Variants in PTPRD observed in about 807,000 individuals in gnomAD.
PTPRD encodes the protein receptor-type tyrosine-protein phosphatase delta.
A neutral mutation model predicts 214.5 loss-of-function variants in PTPRD; 34 were observed. The observed-to-expected ratio is 0.16, with a 90% CI of 0.12 to 0.21. The LOEUF is 0.21. Among genes scored for constraint, PTPRD ranks in the 10% least tolerant of loss-of-function variants. The probability of loss-of-function intolerance (pLI) is 1.00; values close to 1 mark genes in which losing one functional copy is unlikely to be tolerated. For synonymous variants in PTPRD, 1,128 were observed against 845.7 expected (o/e 1.33, Z -5.79); for missense variants, 2,545 against 2,398.7 (o/e 1.06, Z -1.27).
At chr9:9,830,364 T>C (rs1347485654) in intron 5 of PTPRD, among the ~76,000 whole-genome samples, 1 of 151,862 alleles carries the variant, frequency 6.6e-6, no homozygotes, top group African/African-American at 2.4e-5. Flanking sequence ...CAGATCACTA[T>C]TTGTCAACAT....
chr9:8,757,631 T>TATATATACATAC (rs2094107332), intron 11 of PTPRD, among the ~76,000 whole-genome samples: 1 of 146,530 alleles, frequency 6.8e-6, no homozygotes, highest in Non-Finnish European at 1.5e-5. Context: ...CATATATATA[T>TATATATACATAC]ATATATATAT....
chr9:8,767,574 G>C (rs968487110), intron 11 of PTPRD, among the ~76,000 whole-genome samples: 1 of 152,134 alleles, frequency 6.6e-6, no homozygotes, highest in Admixed American at 6.5e-5. Context: ...TGCACCATAC[G>C]TTGAGTCATA....
At chr9:8,725,535 G>T (rs1419842483) in intron 12 of PTPRD, among the ~76,000 whole-genome samples, 3 of 152,116 alleles carry the variant, frequency 2.0e-5, no homozygotes, top group African/African-American at 7.2e-5. Context: ...AAATTGTGAA[G>T]TTAATGGGAT....
chr9:8,656,209 C>T lies in PTPRD; in HGVS notation c.65-19365G>A, dbSNP rs537962584. Among the ~76,000 whole-genome samples, 9 of 152,270 alleles carry T rather than the reference C, an allele frequency of 5.9e-5. No individual in the cohort carries two copies. In the East Asian group the frequency reaches 1.2e-3, roughly 20 times the overall value. On this transcript the variant is annotated intron_variant, in intron 12 of 45. Transcript: ENST00000381196. ...CCTGAATCAGAATGGCACAGTAAGG[C>T]CTGGGAATTTGTGTCACAAATGTCT... is the stretch of plus-strand genomic sequence containing the variant.
intron 11 of PTPRD, among the ~76,000 whole-genome samples, chr9:8,991,790 A>G (rs1210640884): frequency 3.9e-5 from 6 of 152,280 alleles, no homozygotes; most frequent in African/African-American, 1.4e-4. Context: ...CTAGTTCATA[A>G]TTAAGATTTG....
At position 9,970,427 on chromosome 9, in the gene PTPRD, C is replaced by T. The variant is rs1156866593; in HGVS notation, c.-471-31817G>A. ...AGCCTGGGCGACAGCGAGACTCCTT[C>T]TCAAAAAAAAAAAAAAGAAAAAGAA... On this transcript the variant is annotated intron_variant, in intron 4 of 45. Coordinates refer to ENST00000381196, the MANE Select transcript of PTPRD (RefSeq NM_002839.4). 8.0e-5 allele frequency among the ~76,000 whole-genome samples: 8 copies of T among 100,130 alleles called. No individual in the cohort carries two copies. The East Asian group carries it at 1.7e-3, about 21-fold the overall frequency. The allele number at this position is 100,130 out of a possible 152,430, so 65.7% of individuals were successfully genotyped here. A position where few individuals can be genotyped will look rare whatever the true frequency, so the allele number is the denominator to read the frequency against.
intron 12 of PTPRD, among the ~76,000 whole-genome samples, chr9:8,654,942 A>C (rs1415048342): frequency 6.6e-6 from 1 of 152,134 alleles, no homozygotes; most frequent in Non-Finnish European, 1.5e-5. Context: ...CATCTTCATC[A>C]ATCTTTCTAG....
intron 11 of PTPRD, among the ~76,000 whole-genome samples, chr9:8,842,851 C>T: frequency 6.6e-6 from 1 of 152,130 alleles, no homozygotes; most frequent in East Asian, 1.9e-4. Context: ...TTCACATCCC[C>T]AGGATACCCT....
At chr9:9,971,161 A>G (rs1162058312) in intron 4 of PTPRD, among the ~76,000 whole-genome samples, 1 of 152,174 alleles carries the variant, frequency 6.6e-6, no homozygotes, top group Non-Finnish European at 1.5e-5. Flanking sequence ...TAAAACAATC[A>G]TGTGATTAAC....
intron 14 of PTPRD, among the ~76,000 whole-genome samples, chr9:8,623,248 G>T (rs1209594929): frequency 6.6e-6 from 1 of 151,882 alleles, no homozygotes; most frequent in Non-Finnish European, 1.5e-5. Flanking sequence ...TGCCCTTATG[G>T]AACTTCTAGT....
At position 9,087,878 on chromosome 9, in the gene PTPRD, C is replaced by CTTTTTTTTTT. The variant is rs59824704; in HGVS notation, c.-142-69153_-142-69144dup. ...TTATTTTCCACCAGAGCCCTAAACT[C>CTTTTTTTTTT]TTTTTTTTTTTTTTTTTTTTTTTTT... On this transcript the variant is annotated intron_variant, in intron 10 of 45. Transcript: ENST00000381196. 7.3e-5 allele frequency among the ~76,000 whole-genome samples: 5 copies of CTTTTTTTTTT among 68,642 alleles called. 1 individual carries two copies. Among genetic ancestry groups the CTTTTTTTTTT allele is most frequent in the Non-Finnish European group, 1.3e-4 (5 of 38,708 alleles). 45.0% of individuals were successfully genotyped at this position (68,642 alleles called of 152,430 possible).
intron 8 of PTPRD, among the ~76,000 whole-genome samples, chr9:9,546,436 T>A (rs1039204386): frequency 6.6e-6 from 1 of 151,816 alleles, no homozygotes; most frequent in Non-Finnish European, 1.5e-5. Context: ...ATCTTCTTTA[T>A]TCATGTTCAG....
chr9:9,580,735 G>A (rs1178587510), intron 7 of PTPRD, among the ~76,000 whole-genome samples: 3 of 151,784 alleles, frequency 2.0e-5, no homozygotes, highest in Non-Finnish European at 4.4e-5. Context: ...TTTTAGTAGA[G>A]ATGGGCTTTC....
At chr9:10,206,235 G>A (rs2099476952) in intron 3 of PTPRD, among the ~76,000 whole-genome samples, 1 of 152,132 alleles carries the variant, frequency 6.6e-6, no homozygotes, top group Non-Finnish European at 1.5e-5. Flanking sequence ...ACTCAAAGAG[G>A]CTTAGTTTTT....
intron 11 of PTPRD, among the ~76,000 whole-genome samples, chr9:8,753,973 G>A (rs566459445): frequency 1.1e-4 from 17 of 151,908 alleles, no homozygotes; most frequent in East Asian, 1.9e-4. Context: ...GGAGAAACCC[G>A]GTCTCTACTA....
At chr9:10,166,417 T>C (rs1193932035) in intron 3 of PTPRD, among the ~76,000 whole-genome samples, 1 of 151,834 alleles carries the variant, frequency 6.6e-6, no homozygotes, top group East Asian at 1.9e-4. Context: ...TTCATAGATA[T>C]TCAAAAAGAA....
At chr9:10,275,868 T>G (rs144489200) in intron 3 of PTPRD, among the ~76,000 whole-genome samples, 73 of 152,284 alleles carry the variant, frequency 4.8e-4, no homozygotes, top group African/African-American at 1.7e-3. Context: ...GGACATGAAA[T>G]GAAAGAAGAG....
intron 11 of PTPRD, among the ~76,000 whole-genome samples, chr9:8,766,963 T>G (rs548083352): frequency 3.3e-5 from 5 of 152,182 alleles, no homozygotes; most frequent in Non-Finnish European, 7.3e-5. Context: ...CAATGTTAAG[T>G]GAGGACTTAC....
intron 3 of PTPRD, among the ~76,000 whole-genome samples, chr9:10,278,993 C>T (rs187444704): frequency 2.0e-5 from 3 of 152,106 alleles, no homozygotes; most frequent in African/African-American, 7.2e-5. Context: ...CCAGGATGAT[C>T]TCGATCTCCT....
Sources: allele counts gnomAD v4.1 joint callset (sites outside exome capture counted in the v4.1 genomes callset), GRCh38; gene constraint gnomAD v4.1.1; transcripts MANE v1.5; gene names NCBI Gene and HGNC (gene_info 2026-07-23, HGNC 2026-07-21).